Variants in DNMT1 observed in about 807,000 individuals in gnomAD.
The protein encoded by DNMT1 is DNA methyltransferase 1.
In DNMT1, 24 loss-of-function variants were observed where a neutral mutation model predicts 205.3. The observed-to-expected ratio is 0.12, with a 90% CI of 0.08 to 0.16. The LOEUF (loss-of-function observed/expected upper bound fraction) is 0.16. Ranked by LOEUF, DNMT1 falls within the 10% of genes least tolerant of loss-of-function variation. The pLI is 1.00. For synonymous variants in DNMT1, 817 were observed against 839.8 expected (o/e 0.97, Z 0.47); for missense variants, 1,293 against 2,177.7 (o/e 0.59, Z 8.09).
At position 10,140,978 on chromosome 19, in the gene DNMT1, T is replaced by C. The variant is rs1224074703; in HGVS notation, c.3395-69A>G. Reference sequence around the variant, plus strand: ...AAGTCCACCTTGCTCTCAAGCGCCTTGTTAACTCAGGCGGCCTCGCTGTCC... The same window carrying C: ...AAGTCCACCTTGCTCTCAAGCGCCTCGTTAACTCAGGCGGCCTCGCTGTCC... On this transcript the variant is annotated intron_variant, in intron 31 of 40. Transcript: ENST00000359526. The surrounding 1 kb of genome is among the most constrained non-coding windows in gnomAD (Gnocchi z 8.4). 2 of 1,613,710 alleles carry C rather than the reference T, an allele frequency of 1.2e-6. No homozygotes were observed. Among genetic ancestry groups the C allele is most frequent in the South Asian group, 2.2e-5 (2 of 91,030 alleles).
intron 9 of DNMT1, among the ~76,000 whole-genome samples, chr19:10,170,298 GA>G (rs893991078): frequency 1.5e-4 from 23 of 151,668 alleles, no homozygotes; most frequent in Non-Finnish European, 3.2e-4. Context: ...TAAAAAAAAA[GA>G]AAAAAAGCAA....
chr19:10,136,483 T>C lies in DNMT1; in HGVS notation c.4490-196A>G, dbSNP rs187871580. ...ATATGTCTCGCTCTGTTGCCCAGGC[T>C]GGAGTGCAATGGCATGATCTTGGCT... On this transcript the variant is annotated intron_variant, in intron 37 of 40. Coordinates refer to ENST00000359526, the MANE Select transcript of DNMT1 (RefSeq NM_001130823.3). Among the ~76,000 whole-genome samples the C allele has an allele frequency of 8.3e-4, 127 of 152,316 alleles. No homozygotes were observed. The Middle Eastern group carries it at 0.01, about 12-fold the overall frequency.
At chr19:10,145,670 T>C (rs777651446) in intron 28 of DNMT1, among the ~76,000 whole-genome samples, 1 of 152,140 alleles carries the variant, frequency 6.6e-6, no homozygotes, top group African/African-American at 2.4e-5. Context: ...AGGTACTGTA[T>C]GGAGCACTTT....
chr19:10,170,088 C>G lies in DNMT1; in HGVS notation c.769-1724G>C, dbSNP rs554723375. 4.6e-5 allele frequency among the ~76,000 whole-genome samples: 7 copies of G among 152,014 alleles called. No homozygotes were observed. In the South Asian group the frequency reaches 1.5e-3, roughly 32 times the overall value. ...TCACCTGAGGTCAGGAGTTCCAGAC[C>G]AACCTGGCCAACACGGCAAAACCCT... On this transcript the variant is annotated intron_variant, in intron 9 of 40. Coordinates refer to ENST00000359526, the MANE Select transcript of DNMT1 (RefSeq NM_001130823.3).
In DNMT1 at chr19:10,190,017, G is replaced by C. The variant is rs528420767; in HGVS notation, c.80+4803C>G. Among the ~76,000 whole-genome samples the C allele has an allele frequency of 7.9e-4, 121 of 152,238 alleles. 1 individual carries two copies. Among genetic ancestry groups the C allele is most frequent in the Middle Eastern group, 3.4e-3 (1 of 294 alleles). On this transcript the variant is annotated intron_variant, in intron 1 of 40. Coordinates refer to ENST00000359526, the MANE Select transcript of DNMT1 (RefSeq NM_001130823.3). The stretch of plus-strand genomic sequence containing the variant: ...AACTTAGCCATACGGCTGGCAAGTA[G>C]GGCGGCATTTGAAACCCAGCAGTCT...
chr19:10,169,693 G>GA (rs552646131), intron 9 of DNMT1, among the ~76,000 whole-genome samples: 62 of 152,274 alleles, frequency 4.1e-4, no homozygotes, highest in Admixed American at 2.8e-3. Flanking sequence ...GTGAACCTGG[G>GA]AAGCGGAGCT....
chr19:10,179,179 T>G (rs2038993143), intron 5 of DNMT1, among the ~76,000 whole-genome samples: 1 of 151,166 alleles, frequency 6.6e-6, no homozygotes, highest in Admixed American at 6.6e-5. Flanking sequence ...TGCCTAAAAC[T>G]GGGCAAGAGT....
rs762073261 is a variant in DNMT1, at chr19:10,166,616, G to A, written c.873C>T (p.Asp291=). 1.5e-5 allele frequency: 24 copies of A among 1,614,000 alleles called. No individual in the cohort carries two copies. The East Asian group carries it at 1.6e-4, about 10-fold the overall frequency. The change falls in exon 11 of 41, where the codon GAC becomes GAT. Residue 291 remains aspartate, a synonymous_variant. Transcript: ENST00000359526. ...CCTTTACTTTCTCGTCTCCATCTTCGTCCTCGTCAGCCTGCACGCCTGCCC... is the reference window on the plus strand; with the variant it reads ...CCTTTACTTTCTCGTCTCCATCTTCATCCTCGTCAGCCTGCACGCCTGCCC... The part of the protein sequence containing the change: ...EARAGVQADE[D]EDGDEKDEKK...
In DNMT1 at chr19:10,191,982, T is replaced by C. The variant is rs550018835; in HGVS notation, c.80+2838A>G. On this transcript the variant is annotated intron_variant, in intron 1 of 40. Coordinates refer to ENST00000359526, the MANE Select transcript of DNMT1 (RefSeq NM_001130823.3). ...GATTACAGGCACCTGCCACCATACCTGGCTAATTTTTTTGTATTTTTAGTA... is the reference window on the plus strand; with the variant it reads ...GATTACAGGCACCTGCCACCATACCCGGCTAATTTTTTTGTATTTTTAGTA... Among the ~76,000 whole-genome samples the C allele has an allele frequency of 1.8e-3, 269 of 152,106 alleles. 1 individual carries two copies. The highest frequency in any genetic ancestry group is 6.2e-3 in the African/African-American group (259 of 41,504).
At position 10,163,330 on chromosome 19, in the gene DNMT1, C is replaced by T. The variant is rs550478064; in HGVS notation, c.922G>A (p.Asp308Asn). The T allele has an allele frequency of 4.3e-6, 7 of 1,613,928 alleles. No individual in the cohort carries two copies. The highest frequency in any genetic ancestry group is 5.9e-6 in the Non-Finnish European group (7 of 1,179,968). ...ACAAGCATTTTAAACACTTACAGAT[C>T]TTTGGGTTGACTTCTGTGCTTCTTC... is the stretch of plus-strand genomic sequence containing the variant. Reference protein sequence around the residue: ...DEKKHRSQPKDLAAKRRPEEK... With the variant: ...DEKKHRSQPKNLAAKRRPEEK... The change falls in exon 12 of 41, where the codon GAT (aspartate) becomes AAT (asparagine). Residue 308 changes from aspartate (D) to asparagine (N), a missense_variant. By Grantham distance (23) the Asp-to-Asn change is conservative (BLOSUM62 1). Transcript: ENST00000359526.
At chr19:10,150,527 G>T (rs1022255920) in intron 24 of DNMT1, among the ~76,000 whole-genome samples, 6 of 152,224 alleles carry the variant, frequency 3.9e-5, no homozygotes, top group Non-Finnish European at 8.8e-5. Context: ...ATGCCATGCA[G>T]CAGTACCCAT....
At chr19:10,152,270 T>TTA (rs761792866) in intron 22 of DNMT1, among the ~76,000 whole-genome samples, 10 of 97,728 alleles carry the variant, frequency 1.0e-4, no homozygotes, top group African/African-American at 2.3e-4. Flanking sequence ...CTCAAAAAAT[T>TTA]AAAAAAAAAA....
At chr19:10,190,279 G>C (rs1054484844) in intron 1 of DNMT1, among the ~76,000 whole-genome samples, 2 of 152,158 alleles carry the variant, frequency 1.3e-5, no homozygotes, top group African/African-American at 4.8e-5. Flanking sequence ...GGAAGAGCTG[G>C]CATGCAAGCA....
intron 37 of DNMT1, among the ~76,000 whole-genome samples, 161 bp downstream of exon 37, chr19:10,136,924 C>A (rs1285096228): frequency 6.6e-6 from 1 of 152,040 alleles, no homozygotes; most frequent in Non-Finnish European, 1.5e-5. Context: ...ATGAACCCAG[C>A]CTGCTTTTAC....
At chr19:10,175,128 C>T (rs371755716) in intron 7 of DNMT1, among the ~76,000 whole-genome samples, 84 of 100,674 alleles carry the variant, frequency 8.3e-4, no homozygotes, top group Admixed American at 1.3e-3. Flanking sequence ...CACACACACA[C>T]ATATATATAA....
intron 34 of DNMT1, 126 bp downstream of exon 34, chr19:10,139,550 G>A (rs1471452498): frequency 7.4e-6 from 11 of 1,482,656 alleles, no homozygotes; most frequent in Non-Finnish European, 1.0e-5. Flanking sequence ...AGAGCACCAT[G>A]CCAGCCTCTG....
chr19:10,189,078 C>T (rs1431468258), intron 1 of DNMT1, among the ~76,000 whole-genome samples: 1 of 152,090 alleles, frequency 6.6e-6, no homozygotes, highest in Non-Finnish European at 1.5e-5. Context: ...GAGGCAAGAC[C>T]CTCCACCTGC....
intron 1 of DNMT1, among the ~76,000 whole-genome samples, chr19:10,188,968 A>C (rs1457091469): frequency 6.6e-6 from 1 of 152,196 alleles, no homozygotes; most frequent in Non-Finnish European, 1.5e-5. Context: ...CCAGAAAGGA[A>C]TGCAGCCTGC....
chr19:10,160,442 A>T (rs373985743), intron 13 of DNMT1, 24 bp from the exon 14 acceptor site: 333 of 1,613,668 alleles, frequency 2.1e-4, no homozygotes, highest in Non-Finnish European at 2.7e-4. Flanking sequence ...ACAAAAGAGG[A>T]TTAAAGGCTA....
Sources: gnomAD v4.1 joint callset for allele counts (sites outside exome capture counted in the v4.1 genomes callset) on GRCh38, gnomAD v4.1.1 for gene constraint, Gnocchi (gnomAD v3.1) non-coding constraint, MANE v1.5 for transcripts, NCBI Gene and HGNC (gene_info 2026-07-23, HGNC 2026-07-21) for gene names.